Variants in KIF16B observed in about 807,000 individuals in gnomAD.
The protein encoded by KIF16B is kinesin family member 16B, also known as kinesin-like protein KIF16B.
In KIF16B, 98 loss-of-function variants were observed where a neutral mutation model predicts 156.3. The observed-to-expected ratio is 0.63, with a 90% CI of 0.53 to 0.74. The LOEUF (loss-of-function observed/expected upper bound fraction) is 0.74. Among genes scored for constraint, KIF16B ranks in the 30% least tolerant of loss-of-function variants. The pLI is 0.00. For missense variants in KIF16B, 1,421 were observed against 1,606.5 expected (o/e 0.88, Z 1.97); for synonymous variants, 564 against 583.7 (o/e 0.97, Z 0.49).
At chr20:16,400,865 A>T (rs1482026274) in intron 17 of KIF16B, among the ~76,000 whole-genome samples, 1 of 152,200 alleles carries the variant, frequency 6.6e-6, no homozygotes, top group Non-Finnish European at 1.5e-5. Flanking sequence ...AATGGAAGTT[A>T]TATTTAATGA....
chr20:16,452,991 G>C (rs1210629277), intron 12 of KIF16B, among the ~76,000 whole-genome samples: 1 of 151,430 alleles, frequency 6.6e-6, no homozygotes, highest in African/African-American at 2.4e-5. Context: ...TTTAGAAAAA[G>C]ATAAAACTGA....
chr20:16,481,367 T>C (rs2067979809), intron 12 of KIF16B, among the ~76,000 whole-genome samples: 1 of 152,024 alleles, frequency 6.6e-6, no homozygotes, highest in African/African-American at 2.4e-5. Flanking sequence ...GTTAATTTTT[T>C]TTCTGTAGAG....
rs114562178 is a variant in KIF16B at position 16,348,996 on chromosome 20, C to A, written c.3621+7334G>T. Among the ~76,000 whole-genome samples, 588 of 152,280 alleles carry A rather than the reference C, an allele frequency of 3.9e-3. 6 individuals carry two copies. Among genetic ancestry groups the A allele is most frequent in the African/African-American group, 0.013 (555 of 41,536 alleles). ...TTGATGACAACCAGCCTGGTCCCAT[C>A]CTGGTACCATATGTGCTCTACTGGA... On this transcript the variant is annotated intron_variant, in intron 23 of 25. Coordinates refer to ENST00000354981, the MANE Select transcript of KIF16B (RefSeq NM_024704.5).
intron 3 of KIF16B, among the ~76,000 whole-genome samples, chr20:16,518,295 C>T (rs1265855599): frequency 3.9e-5 from 6 of 152,166 alleles, no homozygotes; most frequent in African/African-American, 1.2e-4. Context: ...CCGAGCATCG[C>T]CCCCACAACC....
intron 24 of KIF16B, among the ~76,000 whole-genome samples, chr20:16,313,224 C>CAATT (rs2063647586): frequency 6.6e-6 from 1 of 152,262 alleles, no homozygotes; most frequent in South Asian, 2.1e-4. Context: ...CTTCCTTTCT[C>CAATT]AATTTGTCAG....
At chr20:16,452,239 T>A (rs116549975) in intron 12 of KIF16B, among the ~76,000 whole-genome samples, 204 of 152,096 alleles carry the variant, frequency 1.3e-3, no homozygotes, top group African/African-American at 4.7e-3. Flanking sequence ...CCAGAGAAAT[T>A]GCAAATTCAG....
chr20:16,525,628 G>A (rs533513816), intron 3 of KIF16B, among the ~76,000 whole-genome samples: 2 of 152,164 alleles, frequency 1.3e-5, no homozygotes, highest in Admixed American at 6.5e-5. Flanking sequence ...CTGAATGAAC[G>A]TTCTTTCTTT....
chr20:16,573,102 TG>T (rs1424504752), intron 1 of KIF16B, 126 bp downstream of exon 1: 3 of 882,434 alleles, frequency 3.4e-6, no homozygotes, highest in African/African-American at 1.7e-5. Context: ...GGCCACAGCC[TG>T]GGCCCGGTGG....
intron 1 of KIF16B, among the ~76,000 whole-genome samples, chr20:16,541,696 T>C (rs2070206177): frequency 6.6e-6 from 1 of 152,124 alleles, no homozygotes; most frequent in Admixed American, 6.5e-5. Context: ...AGCAGGGTGT[T>C]CATTAAGTTA....
rs369559273 is a variant in KIF16B, at chr20:16,518,728, T to C, written c.232-3064A>G. 5.5e-4 allele frequency among the ~76,000 whole-genome samples: 83 copies of C among 152,270 alleles called. 2 individuals carry two copies. In the South Asian group the frequency reaches 0.016, roughly 30 times the overall value. On this transcript the variant is annotated intron_variant, in intron 3 of 25. Transcript: ENST00000354981. ...TCTAAAATTAATTTGGGAGAAAAAATATTAACGGTCATCTTACTTGGTATT... is the reference window on the plus strand; with the variant it reads ...TCTAAAATTAATTTGGGAGAAAAAACATTAACGGTCATCTTACTTGGTATT...
chr20:16,398,023 T>C (rs2065555159), intron 17 of KIF16B, among the ~76,000 whole-genome samples: 1 of 152,158 alleles, frequency 6.6e-6, no homozygotes. Flanking sequence ...ATCAATTAAA[T>C]ACACAAACAT....
intron 22 of KIF16B, chr20:16,367,415 A>G: frequency 2.5e-6 from 4 of 1,612,904 alleles, no homozygotes; most frequent in Middle Eastern, 1.6e-4. Context: ...AAAGCATGGC[A>G]TTTGATCACA....
chr20:16,336,091 A>T, intron 23 of KIF16B, 76 bp from the exon 24 acceptor site: 1 of 873,756 alleles, frequency 1.1e-6, no homozygotes, highest in Non-Finnish European at 1.8e-6. Context: ...GAATTTAAAA[A>T]TTAAATTTAA....
intron 24 of KIF16B, among the ~76,000 whole-genome samples, chr20:16,318,807 A>G (rs2063734941): frequency 6.6e-6 from 1 of 152,182 alleles, no homozygotes; most frequent in Non-Finnish European, 1.5e-5. Context: ...TAATTTATGT[A>G]GATGTTTCAC....
chr20:16,550,795 T>G (rs1017352425), intron 1 of KIF16B, among the ~76,000 whole-genome samples: 7 of 152,122 alleles, frequency 4.6e-5, no homozygotes, highest in Admixed American at 4.6e-4. Flanking sequence ...CCTCCCAAAG[T>G]CCTGGGATTA....
intron 24 of KIF16B, among the ~76,000 whole-genome samples, chr20:16,330,452 T>C (rs1160697122): frequency 6.6e-6 from 1 of 152,358 alleles, no homozygotes; most frequent in Non-Finnish European, 1.5e-5. Context: ...TTTACTGATC[T>C]TGGTTTTTCA....
chr20:16,311,214 C>T (rs1040037509), intron 25 of KIF16B, among the ~76,000 whole-genome samples: 6 of 152,218 alleles, frequency 3.9e-5, no homozygotes, highest in South Asian at 2.1e-4. Context: ...AAGGGCTGGG[C>T]GCAGTGGCTC....
At chr20:16,532,509 G>C (rs2147179270) in intron 1 of KIF16B, among the ~76,000 whole-genome samples, 1 of 152,294 alleles carries the variant, frequency 6.6e-6, no homozygotes, top group Non-Finnish European at 1.5e-5. Flanking sequence ...GACACCCCAT[G>C]TTCATGTGGC....
intron 12 of KIF16B, among the ~76,000 whole-genome samples, chr20:16,456,409 A>G (rs531310890): frequency 2.0e-4 from 31 of 152,228 alleles, no homozygotes; most frequent in African/African-American, 6.3e-4. Flanking sequence ...CTTGCTAAAA[A>G]TAGTCCTGCT....
Sources: allele counts gnomAD v4.1 joint callset (sites outside exome capture counted in the v4.1 genomes callset), GRCh38; gene constraint gnomAD v4.1.1; transcripts MANE v1.5; gene names NCBI Gene and HGNC (gene_info 2026-07-23, HGNC 2026-07-21).